Variants in LNPEP observed in about 807,000 individuals in gnomAD.
LNPEP encodes the protein leucyl and cystinyl aminopeptidase.
LNPEP carries 64 observed loss-of-function variants against 120.6 expected under a neutral mutation model. The ratio of observed to expected loss-of-function variants is 0.53; its 90% CI spans 0.43 to 0.65. The LOEUF (loss-of-function observed/expected upper bound fraction) is 0.65. Among genes scored for constraint, LNPEP ranks in the 30% least tolerant of loss-of-function variants. The pLI, the probability that LNPEP is intolerant of heterozygous loss-of-function variation, is 0.00. For synonymous variants in LNPEP, 435 were observed against 425.4 expected, an observed-to-expected ratio of 1.02 and a Z score of -0.28; for missense variants, 1,057 against 1,200.0, an observed-to-expected ratio of 0.88 and a Z score of 1.76.
intron 1 of LNPEP, among the ~76,000 whole-genome samples, chr5:96,973,476 A>G (rs77956926): frequency 0.015 from 2,308 of 152,272 alleles, 51 homozygotes; most frequent in South Asian, 0.088. Context: ...TTATAGTTCT[A>G]TATAAATATG....
intron 6 of LNPEP, among the ~76,000 whole-genome samples, chr5:96,994,500 G>C (rs2112629442): frequency 6.6e-6 from 1 of 151,162 alleles, no homozygotes; most frequent in East Asian, 1.9e-4. Flanking sequence ...CCGGAATGGG[G>C]TTCTCTGTTA....
chr5:97,003,759 C>T (rs1274239508), intron 9 of LNPEP, among the ~76,000 whole-genome samples: 1 of 149,602 alleles, frequency 6.7e-6, no homozygotes, highest in South Asian at 2.1e-4. Context: ...TTGGAAAAGA[C>T]GTGTGTGGGC....
intron 1 of LNPEP, among the ~76,000 whole-genome samples, chr5:96,966,659 C>T (rs1265848039): frequency 6.6e-6 from 1 of 151,786 alleles, no homozygotes; most frequent in Non-Finnish European, 1.5e-5. Flanking sequence ...AATAACTGCC[C>T]TGTCTACTTA....
chr5:96,961,872 C>T (rs1269488592), intron 1 of LNPEP, among the ~76,000 whole-genome samples: 1 of 151,970 alleles, frequency 6.6e-6, no homozygotes, highest in African/African-American at 2.4e-5. Flanking sequence ...TACAGACTAA[C>T]TGTATTTGGA....
chr5:96,963,638 C>T (rs1384419050), intron 1 of LNPEP, among the ~76,000 whole-genome samples: 1 of 152,174 alleles, frequency 6.6e-6, no homozygotes, highest in Non-Finnish European at 1.5e-5. Flanking sequence ...AGTGTCATTT[C>T]TGCTGCATTC....
chr5:96,940,993 A>G (rs1441773896), intron 1 of LNPEP, among the ~76,000 whole-genome samples: 1 of 152,312 alleles, frequency 6.6e-6, no homozygotes, highest in South Asian at 2.1e-4. Flanking sequence ...CTTTATTTCT[A>G]TTATTATTGC....
intron 11 of LNPEP, among the ~76,000 whole-genome samples, chr5:97,008,011 A>G (rs571596186): frequency 6.6e-6 from 1 of 152,306 alleles, no homozygotes; most frequent in East Asian, 1.9e-4. Flanking sequence ...TCCTAGTGGT[A>G]GTTGGTAATG....
chr5:96,939,404 A>T (rs1164891826), intron 1 of LNPEP, among the ~76,000 whole-genome samples: 4 of 151,996 alleles, frequency 2.6e-5, no homozygotes, highest in African/African-American at 9.7e-5. Context: ...AGTAGAAATG[A>T]GGTTTCACCA....
chr5:96,966,338 A>AT (rs1250821955), intron 1 of LNPEP, among the ~76,000 whole-genome samples: 1 of 151,972 alleles, frequency 6.6e-6, no homozygotes, highest in African/African-American at 2.4e-5. Flanking sequence ...CTCTACAAAA[A>AT]TTTTTTTAAA....
intron 4 of LNPEP, among the ~76,000 whole-genome samples, chr5:96,992,532 A>G (rs774477125): frequency 3.3e-5 from 5 of 152,186 alleles, no homozygotes; most frequent in African/African-American, 1.2e-4. Flanking sequence ...TAACTCCATC[A>G]TAAGATGTGA....
chr5:97,014,792 T>C (rs1023109820), intron 12 of LNPEP, 147 bp from the exon 13 acceptor site: 1 of 421,088 alleles, frequency 2.4e-6, no homozygotes, highest in African/African-American at 2.0e-5. Context: ...GATAATCATA[T>C]TTAGCTTAAC....
intron 4 of LNPEP, among the ~76,000 whole-genome samples, chr5:96,988,086 T>A (rs1259994484): frequency 6.6e-6 from 1 of 152,096 alleles, no homozygotes; most frequent in Non-Finnish European, 1.5e-5. Flanking sequence ...CAGCACTTTT[T>A]ATGTATCCCA....
rs1491213774 is a variant in LNPEP at position 96,954,773 on chromosome 5, T to TATATA, written c.19+18599_19+18600insATATA. ...ACATATATATATATATATATATATA[T>TATATA]TTTTTTTTTTTTTTTTTTTTTTTTT... On this transcript the variant is annotated intron_variant, in intron 1 of 17. Coordinates refer to ENST00000231368, the MANE Select transcript of LNPEP (RefSeq NM_005575.3). Among the ~76,000 whole-genome samples, 27 of 10,420 alleles carry TATATA rather than the reference T, an allele frequency of 2.6e-3. 3 individuals are homozygous for TATATA. Among genetic ancestry groups the TATATA allele is most frequent in the African/African-American group, 5.1e-3 (13 of 2,528 alleles). 6.8% of individuals were successfully genotyped at this position (10,420 alleles called of 152,430 possible). A position where few individuals can be genotyped will look rare whatever the true frequency, so the allele number is the denominator to read the frequency against.
At position 96,979,470 on chromosome 5, in the gene LNPEP, A is replaced by T. The variant is rs769756238; in HGVS notation, c.352A>T (p.Ile118Phe). The T allele has an allele frequency of 6.2e-7, 1 of 1,613,988 alleles. No individual in the cohort carries two copies. Among genetic ancestry groups the T allele is most frequent in the African/African-American group, 1.3e-5 (1 of 74,936 alleles). ...ARTMVVCAFVIVVAVSVIMVI... is the reference protein window; with the variant it reads ...ARTMVVCAFVFVVAVSVIMVI... ...GACCATGGTGGTCTGTGCTTTTGTC[A>T]TCGTGGTTGCTGTTTCTGTAATCAT... Residue 118 changes from isoleucine (I) to phenylalanine (F), a missense_variant, in exon 2 of 18, where the codon ATC becomes TTC. By Grantham distance (21) the Ile-to-Phe change is conservative. Transcript: ENST00000231368.
At position 96,996,505 on chromosome 5, in the gene LNPEP, T is replaced by C; in HGVS notation, c.1521+2T>C. Reference sequence around the variant, plus strand: ...AAAATATTCAAAGAGCTTTCTAGTGTAAGTACAGGGTTTCTTTGGCCTACT... The same window carrying C: ...AAAATATTCAAAGAGCTTTCTAGTGCAAGTACAGGGTTTCTTTGGCCTACT... On this transcript the variant is annotated splice_donor_variant, in intron 7 of 17. Coordinates refer to ENST00000231368, the MANE Select transcript of LNPEP (RefSeq NM_005575.3). LOFTEE classifies it high-confidence loss of function. The C allele has an allele frequency of 6.8e-7, 1 of 1,472,782 alleles. No homozygotes were observed. Among genetic ancestry groups the C allele is most frequent in the Non-Finnish European group, 9.5e-7 (1 of 1,052,188 alleles). 91.2% of individuals were successfully genotyped at this position (1,472,782 alleles called of 1,614,324 possible).
chr5:97,026,375 A>G (rs1192318469), intron 15 of LNPEP, among the ~76,000 whole-genome samples: 1 of 152,162 alleles, frequency 6.6e-6, no homozygotes, highest in African/African-American at 2.4e-5. Flanking sequence ...TGTTTTTACT[A>G]TTTAAAAACT....
Position 96,936,192 on chromosome 5 carries a change from G to A in LNPEP, c.19+18G>A. ...CACCAATGGTGAGTGGGCTGCCGAG[G>A]CGCCGGGACCCGGGCTCTCCGGAGC... On this transcript the variant is annotated intron_variant, in intron 1 of 17. Transcript: ENST00000231368. The A allele has an allele frequency of 3.5e-6, 5 of 1,439,840 alleles. No individual in the cohort carries two copies. Among genetic ancestry groups the A allele is most frequent in the Admixed American group, 2.8e-5 (1 of 35,942 alleles). 89.2% of individuals were successfully genotyped at this position (1,439,840 alleles called of 1,614,324 possible).
intron 1 of LNPEP, among the ~76,000 whole-genome samples, chr5:96,951,480 G>T (rs1021283654): frequency 1.3e-5 from 2 of 151,984 alleles, no homozygotes; most frequent in Non-Finnish European, 2.9e-5. Flanking sequence ...GGATGGTCTC[G>T]ATCTCCTGAC....
Position 96,990,573 on chromosome 5 carries a change from G to A in LNPEP, c.1132-2442G>A, listed in dbSNP as rs150154858. The stretch of plus-strand genomic sequence containing the variant: ...CATTTATTGAACACTTAGACATTGT[G>A]TCACGCACTAATCTAAGTTCTATAC... On this transcript the variant is annotated intron_variant, in intron 4 of 17. Coordinates refer to ENST00000231368, the MANE Select transcript of LNPEP (RefSeq NM_005575.3). 5.6e-4 allele frequency among the ~76,000 whole-genome samples: 85 copies of A among 152,224 alleles called. 1 individual carries two copies. Among genetic ancestry groups the A allele is most frequent in the African/African-American group, 2.0e-3 (82 of 41,520 alleles).
Sources: allele counts gnomAD v4.1 joint callset (sites outside exome capture counted in the v4.1 genomes callset), GRCh38; gene constraint gnomAD v4.1.1; transcripts MANE v1.5; gene names NCBI Gene and HGNC (gene_info 2026-07-23, HGNC 2026-07-21).